The following CCDC88C variants were observed in gnomAD, a reference collection of about 807,000 sequenced individuals.
The protein encoded by CCDC88C is protein Daple.
Under a neutral mutation model 198.8 loss-of-function variants are expected in CCDC88C, and 131 were observed. The ratio of observed to expected loss-of-function variants is 0.66; its 90% CI spans 0.57 to 0.76. CCDC88C has a LOEUF of 0.76. Among genes scored for constraint, CCDC88C ranks in the 30% least tolerant of loss-of-function variants. The pLI is 0.00. For missense variants in CCDC88C, 2,553 were observed against 2,631.6 expected, an observed-to-expected ratio of 0.97 and a Z score of 0.65; for synonymous variants, 1,166 against 1,114.7, an observed-to-expected ratio of 1.05 and a Z score of -0.92.
chr14:91,369,893 G>A (rs1285817), intron 3 of CCDC88C, among the ~76,000 whole-genome samples: 18,637 of 152,108 alleles, frequency 0.12, 1,899 homozygotes, highest in African/African-American at 0.27. Flanking sequence ...CCGTGTCTCC[G>A]TACCCAGGGA....
intron 3 of CCDC88C, among the ~76,000 whole-genome samples, chr14:91,399,138 C>T (rs918289564): frequency 1.3e-5 from 2 of 152,208 alleles, no homozygotes; most frequent in Admixed American, 1.3e-4. Flanking sequence ...CCTCCTTGGC[C>T]ATGGGCAGTT....
In CCDC88C at chr14:91,325,745, T is replaced by C. The variant is rs979290143; in HGVS notation, c.1197+165A>G. Among the ~76,000 whole-genome samples, 6 of 152,018 alleles carry C rather than the reference T, an allele frequency of 3.9e-5. No homozygotes were observed. Among genetic ancestry groups the C allele is most frequent in the South Asian group, 2.1e-4 (1 of 4,822 alleles). ...AGGCTCACACCACCATGCCCAATTA[T>C]TTAGTTTTCGTAGAGATGGGGCCTC... On this transcript the variant is annotated intron_variant, in intron 11 of 29. Transcript: ENST00000389857. The surrounding 1 kb of genome is among the most constrained non-coding windows in gnomAD (Gnocchi z 4.1).
intron 13 of CCDC88C, among the ~76,000 whole-genome samples, chr14:91,317,876 G>C (rs954514395): frequency 3.3e-5 from 5 of 152,236 alleles, no homozygotes; most frequent in Admixed American, 2.0e-4. Flanking sequence ...TGTTTGTACA[G>C]AGGAGGGGCC....
Position 91,289,292 on chromosome 14 carries a change from C to G in CCDC88C, c.4254G>C (p.Lys1418Asn). 2 of 1,614,032 alleles carry G rather than the reference C, an allele frequency of 1.2e-6. No individual in the cohort carries two copies. The highest frequency in any genetic ancestry group is 1.7e-6 in the Non-Finnish European group (2 of 1,179,888). ...TTAAGCGTTCCCTCGAACCCTCTTT[C>G]TTTGGTTTGATGAGTTTGACTAAGG... is the stretch of plus-strand genomic sequence containing the variant. ...AKALVKLIKP[K>N]KEGSRERLKS... Residue 1418 changes from lysine (K) to asparagine (N), a missense_variant, in exon 25 of 30, where the codon AAG (lysine) becomes AAC (asparagine). This residue lies in a region of CCDC88C where 1,293 missense variants were observed against 1,219.6 expected (regional missense o/e 1.06). Coordinates refer to ENST00000389857, the MANE Select transcript of CCDC88C (RefSeq NM_001080414.4).
In CCDC88C at chr14:91,313,523, T is replaced by C; in HGVS notation, c.2293A>G (p.Ser765Gly). The C allele has an allele frequency of 1.2e-6, 2 of 1,609,518 alleles. No homozygotes were observed. The highest frequency in any genetic ancestry group is 1.7e-6 in the Non-Finnish European group (2 of 1,179,866). ...TGCTGCAGCCGGAGGTTCTCAGCGC[T>C]CACGCTCTGGTAGCTGAGCTCCAGG... is the stretch of plus-strand genomic sequence containing the variant. The part of the protein sequence containing the change: ...ERLELSYQSV[S>G]AENLRLQQSL... The change falls in exon 15 of 30, where the codon AGC (serine) becomes GGC (glycine). Residue 765 changes from serine to glycine, a missense_variant. Physicochemically the swap from Ser to Gly is moderately conservative, Grantham distance 56 (BLOSUM62 0). Transcript: ENST00000389857. This position sits in a 1 kb window ranked among gnomAD's most constrained non-coding sequence, Gnocchi z 5.2.
intron 10 of CCDC88C, among the ~76,000 whole-genome samples, chr14:91,329,030 C>T (rs780784874): frequency 3.3e-5 from 5 of 152,184 alleles, no homozygotes; most frequent in Non-Finnish European, 4.4e-5. Context: ...CCCAGGGCAT[C>T]CTCAGTGGGG....
chr14:91,413,880 C>T (rs1362057477), intron 2 of CCDC88C, among the ~76,000 whole-genome samples: 2 of 152,206 alleles, frequency 1.3e-5, no homozygotes, highest in Non-Finnish European at 2.9e-5. Flanking sequence ...GTCCTACAAA[C>T]TTGGGGTGAA....
chr14:91,354,554 C>T (rs10144086), intron 4 of CCDC88C, among the ~76,000 whole-genome samples: 73 of 152,304 alleles, frequency 4.8e-4, no homozygotes, highest in African/African-American at 1.5e-3. Context: ...GAGACAGACA[C>T]GTGGTACTGG....
In CCDC88C at chr14:91,297,407, G is replaced by C. The variant is rs373096316; in HGVS notation, c.3864C>G (p.Asn1288Lys). 6.2e-7 allele frequency: 1 copy of C among 1,610,910 alleles called. No homozygotes were observed. Among genetic ancestry groups the C allele is most frequent in the African/African-American group, 1.3e-5 (1 of 74,874 alleles). ...HTKELKTSLN[N>K]AQLELNRWQA... The stretch of plus-strand genomic sequence containing the variant: ...GCCAGCGGTTGAGCTCCAGCTGCGC[G>C]TTGTTCAGTGAGGTTTTCAGCTCCT... Residue 1288 changes from asparagine to lysine, a missense_variant, in exon 22 of 30, where the codon AAC (asparagine) becomes AAG (lysine). Physicochemically the swap from Asn to Lys is moderately conservative, Grantham distance 94 (BLOSUM62 0). This residue lies in a region of CCDC88C where 1,293 missense variants were observed against 1,219.6 expected (regional missense o/e 1.06). Coordinates refer to ENST00000389857, the MANE Select transcript of CCDC88C (RefSeq NM_001080414.4).
chr14:91,334,179 C>T (rs1014583810), intron 10 of CCDC88C, among the ~76,000 whole-genome samples: 5 of 152,232 alleles, frequency 3.3e-5, no homozygotes, highest in Non-Finnish European at 5.9e-5. Flanking sequence ...TCTGCATAAA[C>T]ATACCTCGTA....
chr14:91,392,861 A>T (rs1214153939), intron 3 of CCDC88C, among the ~76,000 whole-genome samples: 1 of 151,760 alleles, frequency 6.6e-6, no homozygotes, highest in East Asian at 1.9e-4. Context: ...GCCCTGAGTG[A>T]GTCTGCAATG....
Position 91,339,118 on chromosome 14 carries a change from G to T in CCDC88C, c.809+160C>A. 1 of 814,194 alleles carries T rather than the reference G, an allele frequency of 1.2e-6. No homozygotes were observed. The highest frequency in any genetic ancestry group is 1.5e-5 in the South Asian group (1 of 68,486). 50.4% of individuals were successfully genotyped at this position (814,194 alleles called of 1,614,324 possible). A position where few individuals can be genotyped will look rare whatever the true frequency, so the allele number is the denominator to read the frequency against. ...TGTGCAGGCCTCAGAAGGGGAGGCA[G>T]CTAGTCCGAGGTCAAAGAGTAAGCT... On this transcript the variant is annotated intron_variant, in intron 8 of 29. Coordinates refer to ENST00000389857, the MANE Select transcript of CCDC88C (RefSeq NM_001080414.4). The surrounding 1 kb of genome is among the most constrained non-coding windows in gnomAD (Gnocchi z 5.8).
At chr14:91,282,125 C>G (rs1890224257) in intron 26 of CCDC88C, among the ~76,000 whole-genome samples, 1 of 152,154 alleles carries the variant, frequency 6.6e-6, no homozygotes, top group South Asian at 2.1e-4. Context: ...GACCCTGGGT[C>G]CCCTCCAAAA....
At chr14:91,361,359 G>T (rs1265303412) in intron 3 of CCDC88C, among the ~76,000 whole-genome samples, 1 of 152,176 alleles carries the variant, frequency 6.6e-6, no homozygotes, top group Non-Finnish European at 1.5e-5. Flanking sequence ...AGAAGAGGGG[G>T]ATAATTACAC....
At chr14:91,276,916 C>T (rs190274491) in intron 29 of CCDC88C, among the ~76,000 whole-genome samples, 63 of 152,342 alleles carry the variant, frequency 4.1e-4, no homozygotes, top group African/African-American at 1.5e-3. Flanking sequence ...GGGCCAAATC[C>T]AGCTAGCCGC....
chr14:91,345,419 C>T (rs1457146362), intron 4 of CCDC88C, among the ~76,000 whole-genome samples: 1 of 151,934 alleles, frequency 6.6e-6, no homozygotes, highest in Non-Finnish European at 1.5e-5. Context: ...TCTTGAACTC[C>T]TGACCTCGTG....
intron 5 of CCDC88C, among the ~76,000 whole-genome samples, 190 bp downstream of exon 5, chr14:91,343,409 G>A (rs1233286165): frequency 6.6e-6 from 1 of 152,154 alleles, no homozygotes; most frequent in African/African-American, 2.4e-5. Context: ...CCTGCCCAAG[G>A]TGCCCTGGTA....
chr14:91,300,069 G>A lies in CCDC88C; in HGVS notation c.3637C>T (p.His1213Tyr). 3 of 1,607,304 alleles carry A rather than the reference G, an allele frequency of 1.9e-6. No homozygotes were observed. The highest frequency in any genetic ancestry group is 1.7e-6 in the Non-Finnish European group (2 of 1,177,526). Residue 1213 changes from histidine to tyrosine, a missense_variant and splice_region_variant, in exon 21 of 30, where the codon CAC (histidine) becomes TAC (tyrosine). By Grantham distance (83) the His-to-Tyr change is moderately conservative. This residue lies in a region of CCDC88C where 1,293 missense variants were observed against 1,219.6 expected (regional missense o/e 1.06). Transcript: ENST00000389857. Reference sequence around the variant, plus strand: ...GCCTTGCGCTTCAGCATGTCACCGTGCCTGTTGGAGGGAAGCACCTGCCGT... The same window carrying A: ...GCCTTGCGCTTCAGCATGTCACCGTACCTGTTGGAGGGAAGCACCTGCCGT... Reference protein sequence around the residue: ...ELEHKELGERHGDMLKRKAEL... With the variant: ...ELEHKELGERYGDMLKRKAEL...
At chr14:91,336,961 G>GGA (rs1282504243) in intron 10 of CCDC88C, among the ~76,000 whole-genome samples, 1 of 152,238 alleles carries the variant, frequency 6.6e-6, no homozygotes, top group Non-Finnish European at 1.5e-5. Context: ...CTGGCTGGTA[G>GGA]GAGAGACGTT....
Sources: allele counts gnomAD v4.1 joint callset (sites outside exome capture counted in the v4.1 genomes callset), GRCh38; gene constraint gnomAD v4.1.1; regional missense constraint gnomAD v4.1.1; non-coding constraint Gnocchi (gnomAD v3.1); transcripts MANE v1.5; gene names NCBI Gene and HGNC (gene_info 2026-07-23, HGNC 2026-07-21).